The following SLC6A17 variants were observed in gnomAD, a reference collection of about 807,000 sequenced individuals.
SLC6A17 encodes solute carrier family 6 member 17, also known as sodium-dependent neutral amino acid transporter SLC6A17.
Under a neutral mutation model 64.5 loss-of-function variants are expected in SLC6A17, and 21 were observed. That is an observed-to-expected ratio of 0.33 (90% CI 0.23 to 0.47). The LOEUF (loss-of-function observed/expected upper bound fraction) is 0.47, where lower values mean the gene tolerates loss of function less well. Ranked by LOEUF, SLC6A17 falls within the 20% of genes least tolerant of loss-of-function variation. SLC6A17 has a pLI of 1.00. For missense variants in SLC6A17, 682 were observed against 963.2 expected (o/e 0.71, Z 3.86); for synonymous variants, 372 against 399.5 (o/e 0.93, Z 0.82).
intron 5 of SLC6A17, among the ~76,000 whole-genome samples, chr1:110,176,332 C>G (rs1054127612): frequency 2.6e-5 from 4 of 152,078 alleles, no homozygotes; most frequent in Non-Finnish European, 5.9e-5. Context: ...CAAAGGACTC[C>G]CTTACCCCCT....
In SLC6A17 at chr1:110,173,955, CAG is replaced by C; in HGVS notation, c.445-17_445-16del. The C allele has an allele frequency of 6.2e-7, 1 of 1,612,178 alleles. No individual in the cohort carries two copies. On this transcript the variant is annotated splice_polypyrimidine_tract_variant and intron_variant, in intron 3 of 11. Coordinates refer to ENST00000331565, the MANE Select transcript of SLC6A17 (RefSeq NM_001010898.4). ...GTTGCCTGCAGCCTCAGTGACCCCG[CAG>C]TGGGCTTGTCCCCAGGTCTGTCTCT... is the stretch of plus-strand genomic sequence containing the variant.
In SLC6A17 at chr1:110,200,076, C is replaced by T. The variant is rs915710557; in HGVS notation, c.*1632C>T. ...CAGAAACAGGCCACAGTGCTCAACC[C>T]GGACACCCTCACGAAGGGTCGCAAG... On this transcript the variant is annotated 3_prime_UTR_variant, in exon 12 of 12. Transcript: ENST00000331565. The T allele has an allele frequency of 6.8e-5, 27 of 398,348 alleles. No individual in the cohort carries two copies. The highest frequency in any genetic ancestry group is 2.5e-4 in the South Asian group (2 of 7,846). The allele number at this position is 398,348 out of a possible 1,614,324, so 24.7% of individuals were successfully genotyped here.
At chr1:110,182,487 C>T (rs1656557911) in intron 6 of SLC6A17, among the ~76,000 whole-genome samples, 1 of 151,550 alleles carries the variant, frequency 6.6e-6, no homozygotes. Flanking sequence ...AATTTAAAGC[C>T]ACAGATTGGT....
rs1362288992 is a variant in SLC6A17 at position 110,198,615 on chromosome 1, G to A, written c.*171G>A. On this transcript the variant is annotated 3_prime_UTR_variant, in exon 12 of 12. Transcript: ENST00000331565. Reference sequence around the variant, plus strand: ...CAGTCCCAGTAGACTCTGCTCCCTAGCCCTGAGCAGGAGGCTGGGAGCAGC... The same window carrying A: ...CAGTCCCAGTAGACTCTGCTCCCTAACCCTGAGCAGGAGGCTGGGAGCAGC... The A allele has an allele frequency of 1.7e-6, 2 of 1,163,166 alleles. No homozygotes were observed. The highest frequency in any genetic ancestry group is 2.4e-6 in the Non-Finnish European group (2 of 847,690). The allele number at this position is 1,163,166 out of a possible 1,614,324, so 72.1% of individuals were successfully genotyped here. A position where few individuals can be genotyped will look rare whatever the true frequency, so the allele number is the denominator to read the frequency against.
intron 1 of SLC6A17, among the ~76,000 whole-genome samples, chr1:110,159,958 C>G (rs1655864656): frequency 1.3e-5 from 2 of 152,172 alleles, no homozygotes; most frequent in Admixed American, 6.5e-5. Context: ...TTTGGCCTTG[C>G]AGAAGCAAAG....
intron 2 of SLC6A17, among the ~76,000 whole-genome samples, chr1:110,171,016 G>T (rs2101846052): frequency 6.6e-6 from 1 of 152,362 alleles, no homozygotes; most frequent in Admixed American, 6.5e-5. Flanking sequence ...GTAAATAGCT[G>T]ATTGTTGCCA....
chr1:110,170,374 C>T (rs1656187325), intron 2 of SLC6A17, among the ~76,000 whole-genome samples: 2 of 152,182 alleles, frequency 1.3e-5, no homozygotes, highest in Admixed American at 1.3e-4. Context: ...GACCCAGCTA[C>T]TCGAGAGGCT....
At chr1:110,168,669 C>T (rs1656138333) in intron 2 of SLC6A17, among the ~76,000 whole-genome samples, 1 of 152,190 alleles carries the variant, frequency 6.6e-6, no homozygotes, top group Non-Finnish European at 1.5e-5. Context: ...CCAAGGCAAC[C>T]AAAATGACTT....
In SLC6A17 at chr1:110,199,295, C is replaced by T. The variant is rs1368896596; in HGVS notation, c.*851C>T. 1 of 152,358 alleles carries T rather than the reference C, an allele frequency of 6.6e-6. No individual in the cohort carries two copies. The highest frequency in any genetic ancestry group is 1.5e-5 in the Non-Finnish European group (1 of 68,160). 9.4% of individuals were successfully genotyped at this position (152,358 alleles called of 1,614,324 possible). ...CCACAGTGGTGGCCTCTGCCTCTTT[C>T]CTGGAGAGAGAAGGACAGTGCACGG... On this transcript the variant is annotated 3_prime_UTR_variant, in exon 12 of 12. Coordinates refer to ENST00000331565, the MANE Select transcript of SLC6A17 (RefSeq NM_001010898.4).
rs1466647381 is a variant in SLC6A17 at position 110,192,475 on chromosome 1, C to G, written c.1107-31C>G. On this transcript the variant is annotated intron_variant, in intron 7 of 11. Coordinates refer to ENST00000331565, the MANE Select transcript of SLC6A17 (RefSeq NM_001010898.4). The surrounding 1 kb of genome is among the most constrained non-coding windows in gnomAD (Gnocchi z 4.3). ...CTCACCCATTGCCCACCCCTGCCTT[C>G]TTACCTGGTCCTCTCGGTTTTGTGC... 3.1e-6 allele frequency: 5 copies of G among 1,590,926 alleles called. No individual in the cohort carries two copies. In the South Asian group the frequency reaches 4.7e-5, roughly 15 times the overall value.
rs368870757 is a variant in SLC6A17 at position 110,173,954 on chromosome 1, G to A, written c.445-19G>A. On this transcript the variant is annotated intron_variant, in intron 3 of 11. Transcript: ENST00000331565. The stretch of plus-strand genomic sequence containing the variant: ...AGTTGCCTGCAGCCTCAGTGACCCC[G>A]CAGTGGGCTTGTCCCCAGGTCTGTC... 7.4e-6 allele frequency: 12 copies of A among 1,611,994 alleles called. No homozygotes were observed. Among genetic ancestry groups the A allele is most frequent in the East Asian group, 2.2e-5 (1 of 44,702 alleles).
chr1:110,186,143 A>AT (rs938680708), intron 6 of SLC6A17, among the ~76,000 whole-genome samples: 3 of 151,976 alleles, frequency 2.0e-5, no homozygotes, highest in Non-Finnish European at 4.4e-5. Flanking sequence ...TAACAAACAA[A>AT]TTTTTTTTCT....
chr1:110,196,283 G>A (rs553806647), intron 10 of SLC6A17, among the ~76,000 whole-genome samples: 8 of 152,256 alleles, frequency 5.3e-5, no homozygotes, highest in Admixed American at 3.3e-4. Context: ...GGGCAAATAC[G>A]TGTTCCCAGG....
chr1:110,165,634 A>G (rs1656028196), intron 1 of SLC6A17, among the ~76,000 whole-genome samples: 2 of 152,214 alleles, frequency 1.3e-5, no homozygotes, highest in Non-Finnish European at 2.9e-5. Context: ...CTTGATGGTC[A>G]GGCCTTGGCT....
At chr1:110,168,941 A>G (rs1656145235) in intron 2 of SLC6A17, among the ~76,000 whole-genome samples, 1 of 152,134 alleles carries the variant, frequency 6.6e-6, no homozygotes, top group African/African-American at 2.4e-5. Context: ...TTTCCATTCC[A>G]CATTCCTGCC....
intron 1 of SLC6A17, among the ~76,000 whole-genome samples, chr1:110,154,446 T>A (rs1197592759): frequency 3.3e-5 from 5 of 152,162 alleles, no homozygotes; most frequent in African/African-American, 4.8e-5. Context: ...TTTAAGTTAG[T>A]GCCCCGGGAA....
Position 110,194,786 on chromosome 1 carries a change from C to T in SLC6A17, c.1492+15C>T, listed in dbSNP as rs1468848482. ...GATGTTCACAGGTAACTCCTCCCTGCCCCCATGCCCAGGCTCTGCAGGCTG... is the reference window on the plus strand; with the variant it reads ...GATGTTCACAGGTAACTCCTCCCTGTCCCCATGCCCAGGCTCTGCAGGCTG... On this transcript the variant is annotated intron_variant, in intron 9 of 11. Transcript: ENST00000331565. 2.5e-6 allele frequency: 4 copies of T among 1,610,160 alleles called. No homozygotes were observed. Among genetic ancestry groups the T allele is most frequent in the South Asian group, 1.1e-5 (1 of 91,078 alleles).
intron 2 of SLC6A17, among the ~76,000 whole-genome samples, chr1:110,167,418 C>A (rs1656097334): frequency 6.6e-6 from 1 of 152,184 alleles, no homozygotes; most frequent in Non-Finnish European, 1.5e-5. Context: ...AAAGTGGGCT[C>A]TGGCCCCAGA....
chr1:110,159,665 A>G (rs146135956), intron 1 of SLC6A17, among the ~76,000 whole-genome samples: 66 of 152,346 alleles, frequency 4.3e-4, no homozygotes, highest in African/African-American at 1.5e-3. Context: ...GGGAAGGTAC[A>G]GCACAAATAC....
Sources: gnomAD v4.1 joint callset for allele counts (sites outside exome capture counted in the v4.1 genomes callset) on GRCh38, gnomAD v4.1.1 for gene constraint, Gnocchi (gnomAD v3.1) non-coding constraint, MANE v1.5 for transcripts, NCBI Gene and HGNC (gene_info 2026-07-23, HGNC 2026-07-21) for gene names.